The following TRHDE variants were observed in gnomAD, a reference collection of about 807,000 sequenced individuals.
TRHDE encodes thyrotropin-releasing hormone-degrading ectoenzyme.
Under a neutral mutation model 125.7 loss-of-function variants are expected in TRHDE, and 72 were observed. The observed-to-expected ratio is 0.57, with a 90% CI of 0.47 to 0.70. TRHDE has a LOEUF of 0.70. Ranked by LOEUF, TRHDE falls within the 30% of genes least tolerant of loss-of-function variation. TRHDE has a pLI of 0.00. For missense variants in TRHDE, 1,110 were observed against 1,327.1 expected (o/e 0.84, Z 2.54); for synonymous variants, 509 against 509.1 (o/e 1.00, Z 0.00).
intron 2 of TRHDE, among the ~76,000 whole-genome samples, chr12:72,326,961 C>A (rs1226238003): frequency 1.3e-5 from 2 of 152,142 alleles, no homozygotes; most frequent in Non-Finnish European, 2.9e-5. Context: ...TCTATCTACA[C>A]CTACAAGCTC....
intron 2 of TRHDE, among the ~76,000 whole-genome samples, chr12:72,168,486 G>A (rs935296881): frequency 6.6e-6 from 1 of 152,208 alleles, no homozygotes; most frequent in Non-Finnish European, 1.5e-5. Flanking sequence ...GTGACTCCCT[G>A]ATTCAGTAGG....
chr12:72,160,009 C>T (rs1876600229), intron 2 of TRHDE, among the ~76,000 whole-genome samples: 1 of 152,086 alleles, frequency 6.6e-6, no homozygotes, highest in African/African-American at 2.4e-5. Flanking sequence ...AAATTATCTC[C>T]TCCTAATTGT....
At position 72,577,340 on chromosome 12, in the gene TRHDE, A is replaced by G. The variant is rs919633905; in HGVS notation, c.2321+1798A>G. 4.6e-5 allele frequency among the ~76,000 whole-genome samples: 7 copies of G among 152,266 alleles called. No homozygotes were observed. In the East Asian group the frequency reaches 1.3e-3, roughly 29 times the overall value. ...ACAACTTTATAAGATATGTAGATAG[A>G]TATTATTACTATTCCCACTCTAAGT... On this transcript the variant is annotated intron_variant, in intron 12 of 18. Transcript: ENST00000261180.
rs371138345 is a variant in TRHDE at position 72,286,238 on chromosome 12, A to G, written c.915-443A>G. On this transcript the variant is annotated intron_variant, in intron 1 of 18. Transcript: ENST00000261180. ...GTCTTGTTGAAATTTTAGGGCACAG[A>G]GATTTCCCAAGTGATGGTCTATGTA... Among the ~76,000 whole-genome samples, 15 of 152,236 alleles carry G rather than the reference A, an allele frequency of 9.9e-5. No individual in the cohort carries two copies. In the South Asian group the frequency reaches 1.7e-3, roughly 17 times the overall value.
At chr12:72,422,197 G>A (rs910707914) in intron 3 of TRHDE, among the ~76,000 whole-genome samples, 1 of 152,092 alleles carries the variant, frequency 6.6e-6, no homozygotes, top group African/African-American at 2.4e-5. Context: ...TTAGAACAGT[G>A]ACAAGAGGAG....
At chr12:72,121,046 T>C (rs370705332) in intron 2 of TRHDE, among the ~76,000 whole-genome samples, 6 of 152,278 alleles carry the variant, frequency 3.9e-5, no homozygotes, top group African/African-American at 1.2e-4. Context: ...GTTGTAGATA[T>C]AATTTTTGAT....
chr12:72,517,412 A>T (rs1355820945), intron 6 of TRHDE, among the ~76,000 whole-genome samples: 1 of 151,874 alleles, frequency 6.6e-6, no homozygotes, highest in Non-Finnish European at 1.5e-5. Context: ...TTTCTTCTAG[A>T]TTTTCTAGTT....
intron 2 of TRHDE, among the ~76,000 whole-genome samples, chr12:72,150,476 C>T (rs1474131617): frequency 1.3e-5 from 2 of 151,226 alleles, no homozygotes; most frequent in Non-Finnish European, 2.9e-5. Flanking sequence ...TATACATGTG[C>T]CATGTTGGTG....
intron 6 of TRHDE, among the ~76,000 whole-genome samples, chr12:72,541,157 G>T (rs772961974): frequency 6.6e-6 from 1 of 151,528 alleles, no homozygotes. Flanking sequence ...AATTATTGCA[G>T]TTGTACATTT....
At chr12:72,611,923 TTCAC>T (rs1872646867) in intron 12 of TRHDE, among the ~76,000 whole-genome samples, 1 of 152,192 alleles carries the variant, frequency 6.6e-6, no homozygotes, top group African/African-American at 2.4e-5. Context: ...ACATCTTTTC[TTCAC>T]TCACTATTAA....
intron 6 of TRHDE, among the ~76,000 whole-genome samples, chr12:72,525,673 G>A (rs2367751): frequency 0.23 from 34,980 of 149,274 alleles, 5,606 homozygotes; most frequent in East Asian, 0.49. Flanking sequence ...GTGATTTTTC[G>A]GCTATTCACT....
At chr12:72,124,570 A>G (rs1441723321) in intron 2 of TRHDE, among the ~76,000 whole-genome samples, 1 of 152,190 alleles carries the variant, frequency 6.6e-6, no homozygotes, top group East Asian at 1.9e-4. Flanking sequence ...GATAATGTCA[A>G]GGATCTACAT....
At chr12:72,159,609 C>T (rs991303390) in intron 2 of TRHDE, among the ~76,000 whole-genome samples, 4 of 152,204 alleles carry the variant, frequency 2.6e-5, no homozygotes, top group African/African-American at 9.6e-5. Flanking sequence ...TGGCAAAATA[C>T]GTTTGAAAAT....
chr12:72,600,084 T>G (rs1872147036), intron 12 of TRHDE, among the ~76,000 whole-genome samples: 1 of 152,138 alleles, frequency 6.6e-6, no homozygotes, highest in African/African-American at 2.4e-5. Context: ...TGATCTCTAT[T>G]CTGTTCCATT....
intron 12 of TRHDE, among the ~76,000 whole-genome samples, chr12:72,585,504 T>C (rs1054880785): frequency 1.2e-4 from 18 of 152,380 alleles, no homozygotes; most frequent in African/African-American, 4.3e-4. Context: ...TTCATTGATC[T>C]TCTGAACCGA....
chr12:72,304,949 G>A (rs915490713), intron 2 of TRHDE, among the ~76,000 whole-genome samples: 9 of 152,064 alleles, frequency 5.9e-5, no homozygotes, highest in Non-Finnish European at 1.0e-4. Context: ...GCAGAAATTG[G>A]TCTTAATGTC....
intron 7 of TRHDE, among the ~76,000 whole-genome samples, chr12:72,547,151 G>GTTT (rs5799079): frequency 6.9e-6 from 1 of 143,930 alleles, no homozygotes; most frequent in African/African-American, 2.5e-5. Flanking sequence ...ATTTTTACTT[G>GTTT]TTTTTTTTTT....
intron 2 of TRHDE, among the ~76,000 whole-genome samples, chr12:72,310,968 A>G: frequency 6.6e-6 from 1 of 152,038 alleles, no homozygotes; most frequent in East Asian, 1.9e-4. Context: ...TGGCCCCTCT[A>G]CTTTCTTTTT....
At chr12:72,394,971 A>G (rs1872735449) in intron 3 of TRHDE, among the ~76,000 whole-genome samples, 1 of 152,258 alleles carries the variant, frequency 6.6e-6, no homozygotes, top group Non-Finnish European at 1.5e-5. Context: ...TGATGCTTGG[A>G]AATATGTATA....
Sources: gnomAD v4.1 joint callset for allele counts (sites outside exome capture counted in the v4.1 genomes callset) on GRCh38, gnomAD v4.1.1 for gene constraint, MANE v1.5 for transcripts, NCBI Gene and HGNC (gene_info 2026-07-23, HGNC 2026-07-21) for gene names.